MAK: variants seen among roughly 807,000 people sequenced by gnomAD.
MAK encodes male germ cell associated kinase.
Under a neutral mutation model 82.6 loss-of-function variants are expected in MAK, and 65 were observed. That is an observed-to-expected ratio of 0.79 (90% CI 0.64 to 0.97). MAK has a LOEUF of 0.97. MAK is among the 50% of genes least tolerant of loss of function. The probability of loss-of-function intolerance (pLI) is 0.00; values close to 1 mark genes in which losing one functional copy is unlikely to be tolerated. For synonymous variants in MAK, 250 were observed against 274.2 expected (o/e 0.91, Z 0.87); for missense variants, 703 against 780.2 (o/e 0.90, Z 1.18).
At chr6:10,804,481 T>G (rs1166975304) in intron 6 of MAK, among the ~76,000 whole-genome samples, 1 of 152,214 alleles carries the variant, frequency 6.6e-6, no homozygotes, top group Non-Finnish European at 1.5e-5. Flanking sequence ...CAGCGGGGAT[T>G]ACAGGGGCAC....
intron 2 of MAK, 24 bp downstream of exon 2, chr6:10,830,524 A>G: frequency 6.4e-7 from 1 of 1,563,932 alleles, no homozygotes; most frequent in Non-Finnish European, 8.8e-7. Flanking sequence ...TCAAAGGTGA[A>G]GTTGGCAGTG....
intron 2 of MAK, among the ~76,000 whole-genome samples, chr6:10,825,853 A>G (rs2127584981): frequency 6.6e-6 from 1 of 152,134 alleles, no homozygotes; most frequent in Middle Eastern, 3.4e-3. Context: ...TCAGGCCACC[A>G]CCACTTCTAA....
intron 6 of MAK, among the ~76,000 whole-genome samples, chr6:10,805,460 G>A (rs1290697200): frequency 6.6e-6 from 1 of 151,690 alleles, no homozygotes; most frequent in Non-Finnish European, 1.5e-5. Context: ...AGTGGTGGGC[G>A]TCTGTAAGCT....
rs34131278 is a variant in MAK at position 10,780,453 on chromosome 6, GTT to G, written c.1465+3969_1465+3970del. Among the ~76,000 whole-genome samples the G allele has an allele frequency of 3.5e-3, 334 of 96,728 alleles. 1 individual carries two copies. The highest frequency in any genetic ancestry group is 0.011 in the Admixed American group (94 of 8,750). The allele number at this position is 96,728 out of a possible 152,430, so 63.5% of individuals were successfully genotyped here. A position where few individuals can be genotyped will look rare whatever the true frequency, so the allele number is the denominator to read the frequency against. Reference sequence around the variant, plus strand: ...ATATTTCAGTCAGTGAAATGTACTGGTTTTTTTTTTTTTTTTTTTTGAGACAG... The same window carrying G: ...ATATTTCAGTCAGTGAAATGTACTGGTTTTTTTTTTTTTTTTTTGAGACAG... On this transcript the variant is annotated intron_variant, in intron 11 of 14. Transcript: ENST00000354489.
At chr6:10,807,794 T>G (rs779938291) in intron 6 of MAK, among the ~76,000 whole-genome samples, 3 of 151,120 alleles carry the variant, frequency 2.0e-5, no homozygotes, top group Non-Finnish European at 1.5e-5. Flanking sequence ...CCGGGCCCGG[T>G]GGCTCACGCC....
intron 4 of MAK, among the ~76,000 whole-genome samples, chr6:10,816,812 GA>G (rs1165533902): frequency 6.6e-6 from 1 of 151,822 alleles, no homozygotes; most frequent in Non-Finnish European, 1.5e-5. Context: ...CCATTTAACA[GA>G]ATATATTATT....
chr6:10,815,936 ATATATATATATG>A (rs1220959360), intron 4 of MAK, among the ~76,000 whole-genome samples: 5 of 76,068 alleles, frequency 6.6e-5, no homozygotes, highest in Non-Finnish European at 1.5e-4. Context: ...ATATATATAT[ATATATATATATG>A]TATGTTTTCT....
rs1467679720 is a variant in MAK, at chr6:10,815,661, A to T, written c.279-1938T>A. On this transcript the variant is annotated intron_variant, in intron 4 of 14. Transcript: ENST00000354489. ...AAAAAGAGAGACACATGGTCTCGCT[A>T]TGTTGCCTAGGCTGGTCTCAAACTC... is the stretch of plus-strand genomic sequence containing the variant. 4.6e-5 allele frequency among the ~76,000 whole-genome samples: 7 copies of T among 152,124 alleles called. No homozygotes were observed. In the South Asian group the frequency reaches 1.5e-3, roughly 32 times the overall value.
In MAK at chr6:10,830,310, C is replaced by T. The variant is rs572999840; in HGVS notation, c.101+238G>A. 2.7e-3 allele frequency among the ~76,000 whole-genome samples: 397 copies of T among 144,612 alleles called. 2 individuals are homozygous for T. The highest frequency in any genetic ancestry group is 3.9e-3 in the Non-Finnish European group (260 of 65,824). 94.9% of individuals were successfully genotyped at this position (144,612 alleles called of 152,430 possible). ...CCTCCTGAGTAGCTGGGATTACAGG[C>T]GCGTGCCACCATGCCTGGCTAAGTT... On this transcript the variant is annotated intron_variant, in intron 2 of 14. Coordinates refer to ENST00000354489, the MANE Select transcript of MAK (RefSeq NM_001242957.3).
intron 6 of MAK, among the ~76,000 whole-genome samples, chr6:10,804,291 T>G (rs920018909): frequency 5.5e-5 from 8 of 145,182 alleles, no homozygotes; most frequent in African/African-American, 1.7e-4. Flanking sequence ...AGTAGTGGAG[T>G]TTTTTTTTAT....
chr6:10,803,629 G>T, intron 7 of MAK, 91 bp downstream of exon 7: 2 of 1,109,518 alleles, frequency 1.8e-6, no homozygotes, highest in Non-Finnish European at 1.3e-6. Flanking sequence ...CTAGGCAAAA[G>T]TTGTAAATAA....
chr6:10,817,999 T>C (rs757093935), intron 3 of MAK, 28 bp from the exon 4 acceptor site: 1 of 1,376,058 alleles, frequency 7.3e-7, no homozygotes, highest in Non-Finnish European at 1.0e-6. Context: ...TGCCTTAAAA[T>C]TTCTTAAAAA....
chr6:10,797,415 G>A (rs1397186552), intron 8 of MAK, among the ~76,000 whole-genome samples: 1 of 152,140 alleles, frequency 6.6e-6, no homozygotes, highest in Non-Finnish European at 1.5e-5. Context: ...AATGACAGGG[G>A]TTGGGGGACG....
At chr6:10,798,409 G>A (rs903756766) in intron 8 of MAK, among the ~76,000 whole-genome samples, 5 of 151,438 alleles carry the variant, frequency 3.3e-5, no homozygotes, top group African/African-American at 7.3e-5. Flanking sequence ...CACTGTGCCC[G>A]GCCAACTCTT....
chr6:10,830,124 C>CGT (rs35519970), intron 2 of MAK, among the ~76,000 whole-genome samples: 13,318 of 141,406 alleles, frequency 0.094, 618 homozygotes, highest in Middle Eastern at 0.13. Context: ...CCTGTGTGCA[C>CGT]GTGTGTGTGT....
intron 1 of MAK, among the ~76,000 whole-genome samples, chr6:10,831,684 T>A (rs1354808241): frequency 6.6e-6 from 1 of 152,126 alleles, no homozygotes; most frequent in African/African-American, 2.4e-5. Context: ...AGTTCAAGGT[T>A]ACAGTGAGCT....
intron 11 of MAK, 49 bp from the exon 12 acceptor site, chr6:10,775,508 T>C (rs1773389573): frequency 6.3e-7 from 1 of 1,597,328 alleles, no homozygotes; most frequent in African/African-American, 1.3e-5. Context: ...GATCATAAAC[T>C]TAAAGGAAAC....
chr6:10,773,999 A>G (rs375877529), intron 12 of MAK, among the ~76,000 whole-genome samples: 6 of 152,110 alleles, frequency 3.9e-5, no homozygotes, highest in African/African-American at 1.4e-4. Context: ...GCACCTGGCC[A>G]AAACTATTAG....
intron 13 of MAK, among the ~76,000 whole-genome samples, chr6:10,771,366 A>C (rs1380760220): frequency 6.6e-6 from 1 of 152,178 alleles, no homozygotes; most frequent in Non-Finnish European, 1.5e-5. Context: ...GAGATGAGGC[A>C]GAGAGCTCGG....
Sources: gnomAD v4.1 joint callset for allele counts (sites outside exome capture counted in the v4.1 genomes callset) on GRCh38, gnomAD v4.1.1 for gene constraint, MANE v1.5 for transcripts, NCBI Gene and HGNC (gene_info 2026-07-23, HGNC 2026-07-21) for gene names.